ATF7IP: variants seen among roughly 807,000 people sequenced by gnomAD.
ATF7IP encodes the protein activating transcription factor 7-interacting protein 1.
Under a neutral mutation model 106.4 loss-of-function variants are expected in ATF7IP, and 23 were observed. The observed-to-expected ratio is 0.22, with a 90% CI of 0.16 to 0.31. ATF7IP has a LOEUF of 0.31. Among genes scored for constraint, ATF7IP ranks in the 10% least tolerant of loss-of-function variants. ATF7IP has a pLI of 1.00. For synonymous variants in ATF7IP, 542 were observed against 539.0 expected (o/e 1.01, Z -0.08); for missense variants, 1,334 against 1,524.3 (o/e 0.88, Z 2.08).
intron 1 of ATF7IP, among the ~76,000 whole-genome samples, chr12:14,371,959 A>G (rs1363876129): frequency 6.6e-6 from 1 of 152,104 alleles, no homozygotes; most frequent in African/African-American, 2.4e-5. Context: ...GGGGCATATT[A>G]TTGATTGAAA....
intron 1 of ATF7IP, among the ~76,000 whole-genome samples, chr12:14,399,559 TA>T (rs1450212326): frequency 5.3e-5 from 8 of 152,094 alleles, no homozygotes; most frequent in Non-Finnish European, 7.4e-5. Context: ...AAAACTTGTA[TA>T]TTTTTTCAGC....
intron 13 of ATF7IP, among the ~76,000 whole-genome samples, chr12:14,486,767 C>G (rs1181530701): frequency 6.6e-6 from 1 of 152,062 alleles, no homozygotes; most frequent in African/African-American, 2.4e-5. Context: ...ACCACTTGGC[C>G]CCTGCCAACT....
At chr12:14,466,817 T>C (rs1205702286) in intron 10 of ATF7IP, among the ~76,000 whole-genome samples, 2 of 152,134 alleles carry the variant, frequency 1.3e-5, no homozygotes, top group Non-Finnish European at 2.9e-5. Context: ...AATTAGTTTA[T>C]TCTATTAACT....
At chr12:14,404,771 T>G (rs1381306071) in intron 1 of ATF7IP, among the ~76,000 whole-genome samples, 1 of 152,182 alleles carries the variant, frequency 6.6e-6, no homozygotes, top group South Asian at 2.1e-4. Context: ...CAGGTTTAGT[T>G]GAGAGCAGAA....
At chr12:14,490,270 C>T (rs368280811) in intron 13 of ATF7IP, among the ~76,000 whole-genome samples, 171 of 152,326 alleles carry the variant, frequency 1.1e-3, no homozygotes, top group African/African-American at 4.0e-3. Flanking sequence ...TCCTCCTCTG[C>T]TGAGGTTACC....
chr12:14,457,111 CTT>C (rs1187597236), intron 7 of ATF7IP, 94 bp from the exon 8 acceptor site: 2 of 1,062,252 alleles, frequency 1.9e-6, no homozygotes, highest in Non-Finnish European at 2.8e-6. Flanking sequence ...TCTAGCCACC[CTT>C]TTTCCCCTGT....
chr12:14,371,639 T>G (rs1178642601), intron 1 of ATF7IP, among the ~76,000 whole-genome samples: 1 of 152,084 alleles, frequency 6.6e-6, no homozygotes, highest in East Asian at 1.9e-4. Flanking sequence ...ATTTATAAAC[T>G]TAGTTATGAG....
chr12:14,378,540 T>C (rs1938860637), intron 1 of ATF7IP, among the ~76,000 whole-genome samples: 1 of 152,250 alleles, frequency 6.6e-6, no homozygotes, highest in South Asian at 2.1e-4. Flanking sequence ...CTATAAAGTA[T>C]ACCTTAAGTT....
intron 6 of ATF7IP, among the ~76,000 whole-genome samples, chr12:14,450,958 T>C (rs1209925226): frequency 6.6e-6 from 1 of 152,020 alleles, no homozygotes; most frequent in Non-Finnish European, 1.5e-5. Context: ...GTATTTGTAG[T>C]AGAGACGGGC....
At chr12:14,494,982 T>G (rs1335005001) in intron 13 of ATF7IP, among the ~76,000 whole-genome samples, 1 of 148,192 alleles carries the variant, frequency 6.7e-6, no homozygotes, top group Non-Finnish European at 1.5e-5. Context: ...GTCTGCAAGC[T>G]GAGGAGCAAG....
chr12:14,446,867 T>G, intron 5 of ATF7IP, 121 bp from the exon 6 acceptor site: 1 of 621,002 alleles, frequency 1.6e-6, no homozygotes, highest in Non-Finnish European at 2.6e-6. Context: ...TTTTCTTTAC[T>G]CAGCTATCTT....
chr12:14,387,176 T>C (rs1939283403), intron 1 of ATF7IP, among the ~76,000 whole-genome samples: 1 of 152,152 alleles, frequency 6.6e-6, no homozygotes, highest in Non-Finnish European at 1.5e-5. Flanking sequence ...CACTAATTTA[T>C]GTAAATCATT....
chr12:14,455,293 G>A (rs1943381955), intron 6 of ATF7IP, among the ~76,000 whole-genome samples: 1 of 149,910 alleles, frequency 6.7e-6, no homozygotes, highest in Non-Finnish European at 1.5e-5. Context: ...TTATTTTAAT[G>A]TGCTTTTCTC....
chr12:14,378,394 G>A (rs1211753773), intron 1 of ATF7IP, among the ~76,000 whole-genome samples: 1 of 152,012 alleles, frequency 6.6e-6, no homozygotes, highest in African/African-American at 2.4e-5. Context: ...CACCATGCCC[G>A]GCCCTATATT....
intron 1 of ATF7IP, among the ~76,000 whole-genome samples, chr12:14,421,727 G>A (rs773326112): frequency 6.6e-6 from 1 of 152,118 alleles, no homozygotes. Flanking sequence ...GTGGGATGCT[G>A]CACAATTCAG....
chr12:14,456,495 A>T, intron 6 of ATF7IP, 66 bp from the exon 7 acceptor site: 14 of 1,142,290 alleles, frequency 1.2e-5, no homozygotes, highest in Admixed American at 1.8e-5. Flanking sequence ...TACAGGTCTA[A>T]TTTTTTTTTA....
At chr12:14,438,945 C>T (rs1942560028) in intron 5 of ATF7IP, among the ~76,000 whole-genome samples, 1 of 152,136 alleles carries the variant, frequency 6.6e-6, no homozygotes, top group South Asian at 2.1e-4. Context: ...ATAATAAGTA[C>T]TAAATAATAT....
rs1945171850 is a variant in ATF7IP at position 14,501,988 on chromosome 12, C to T, written c.*3915C>T. The T allele has an allele frequency of 6.6e-6, 1 of 152,190 alleles. No individual in the cohort carries two copies. The highest frequency in any genetic ancestry group is 1.5e-5 in the Non-Finnish European group (1 of 68,044). The allele number at this position is 152,190 out of a possible 1,614,324, so 9.4% of individuals were successfully genotyped here. ...AAAGTAATGCCTGTGGTATCCTCAT[C>T]TCTCACTTTTTTACTCTGTGATTTT... On this transcript the variant is annotated 3_prime_UTR_variant, in exon 15 of 15. Transcript: ENST00000261168.
chr12:14,382,471 A>G (rs962944660), intron 1 of ATF7IP, among the ~76,000 whole-genome samples: 1 of 152,216 alleles, frequency 6.6e-6, no homozygotes, highest in East Asian at 1.9e-4. Context: ...AGAGTCATCT[A>G]TCATAATAAG....
Sources: allele counts gnomAD v4.1 joint callset (sites outside exome capture counted in the v4.1 genomes callset), GRCh38; gene constraint gnomAD v4.1.1; transcripts MANE v1.5; gene names NCBI Gene and HGNC (gene_info 2026-07-23, HGNC 2026-07-21).